Variants in ZNF680 observed in about 807,000 individuals in gnomAD.
ZNF680 encodes zinc finger protein 680, also known as hypothetical protein FLJ90430.
In ZNF680, 6 loss-of-function variants were observed where a neutral mutation model predicts 12.1. The observed-to-expected ratio is 0.49, with a 90% CI of 0.27 to 0.98. ZNF680 has a LOEUF of 0.98. ZNF680 is among the 50% of genes least tolerant of loss of function. The pLI is 0.12. For missense variants in ZNF680, 561 were observed against 616.3 expected (o/e 0.91, Z 0.95); for synonymous variants, 170 against 199.3 (o/e 0.85, Z 1.24).
At chr7:64,502,010 TTTTTTTTTTC>T in the ZNF680 span, among the ~76,000 whole-genome samples, 13 of 112,930 alleles carry the variant, frequency 1.2e-4, no homozygotes, top group Admixed American at 1.0e-3. Flanking sequence ...TTTTTTTTTT[TTTTTTTTTTC>T]CTGAGATGGA....
chr7:64,556,148 T>C (rs952563766), intron 1 of ZNF680, among the ~76,000 whole-genome samples: 1 of 151,964 alleles, frequency 6.6e-6, no homozygotes, highest in African/African-American at 2.4e-5. Flanking sequence ...GCAGCCATTT[T>C]ATGCTCATGG....
At chr7:64,509,687 T>C in the ZNF680 span, among the ~76,000 whole-genome samples, 11 of 152,024 alleles carry the variant, frequency 7.2e-5, no homozygotes, top group Non-Finnish European at 1.6e-4. Context: ...GCTGAGTGGG[T>C]CTAGAAATCC....
At position 64,563,058 on chromosome 7, in the gene ZNF680, C is replaced by T; in HGVS notation, c.-104G>A. On this transcript the variant is annotated 5_prime_UTR_variant, in exon 1 of 4. Coordinates refer to ENST00000309683, the MANE Select transcript of ZNF680 (RefSeq NM_178558.5). ...GTAAAGACTAGACCTGGAGCTCCCGCAGCAGCTAGAGACAAAGGCCCCGCC... is the reference window on the plus strand; with the variant it reads ...GTAAAGACTAGACCTGGAGCTCCCGTAGCAGCTAGAGACAAAGGCCCCGCC... The T allele has an allele frequency of 2.1e-6, 3 of 1,400,772 alleles. No homozygotes were observed. The highest frequency in any genetic ancestry group is 3.0e-6 in the Non-Finnish European group (3 of 999,344). The allele number at this position is 1,400,772 out of a possible 1,614,324, so 86.8% of individuals were successfully genotyped here.
chr7:64,529,393 G>C (rs926668470), intron 3 of ZNF680, among the ~76,000 whole-genome samples: 1 of 152,156 alleles, frequency 6.6e-6, no homozygotes, highest in African/African-American at 2.4e-5. Context: ...GCGAAGCCCA[G>C]TGCAAGGAAA....
chr7:64,524,903 A>G (rs758345760), intron 3 of ZNF680: 3 of 151,996 alleles, frequency 2.0e-5, no homozygotes, highest in Non-Finnish European at 2.9e-5. Context: ...ATAGAAATTA[A>G]AACAATACAC....
chr7:64,500,792 GT>G, the ZNF680 span: 3 of 347,212 alleles, frequency 8.6e-6, no homozygotes, highest in Non-Finnish European at 1.8e-5. Context: ...CCTTCCTCCT[GT>G]TTTTGGCTTT....
At position 64,522,215 on chromosome 7, in the gene ZNF680, T is replaced by C. The variant is rs1374599015; in HGVS notation, c.539A>G (p.Lys180Arg). 6.2e-7 allele frequency: 1 copy of C among 1,612,624 alleles called. No individual in the cohort carries two copies. ...GCCACATTCTTTACATTTGAAAACC[T>C]TCTTTCCAGTATTTCTTTTCTTATG... is the stretch of plus-strand genomic sequence containing the variant. ...NSHKKRNTGK[K>R]VFKCKECGKS... is the part of the protein sequence containing the mutation. The change falls in exon 4 of 4, where the codon AAG (lysine) becomes AGG (arginine). Residue 180 changes from lysine to arginine, a missense_variant. By Grantham distance (26) the Lys-to-Arg change is conservative (BLOSUM62 2). Coordinates refer to ENST00000309683, the MANE Select transcript of ZNF680 (RefSeq NM_178558.5).
rs140855020 is a variant in ZNF680 at position 64,521,623 on chromosome 7, G to A, written c.1131C>T (p.Ser377=). 2.2e-5 allele frequency: 35 copies of A among 1,612,136 alleles called. No individual in the cohort carries two copies. The highest frequency in any genetic ancestry group is 1.6e-4 in the Middle Eastern group (1 of 6,082). Residue 377 remains serine (S), a synonymous_variant, in exon 4 of 4, where the codon TCC becomes TCT. Coordinates refer to ENST00000309683, the MANE Select transcript of ZNF680 (RefSeq NM_178558.5). ...RHKKIHTGEK[S]YKCEECGKAF... The stretch of plus-strand genomic sequence containing the variant: ...CTTTGCCGCATTCTTCACATTTGTA[G>A]GATTTCTCTCCAGTATGAATTTTCT...
chr7:64,552,575 T>G (rs1183955224), intron 1 of ZNF680, among the ~76,000 whole-genome samples: 3 of 152,198 alleles, frequency 2.0e-5, no homozygotes, highest in African/African-American at 7.2e-5. Flanking sequence ...GTAATAAGTA[T>G]GTAAGACTAG....
chr7:64,508,324 AATATTT>A, the ZNF680 span, among the ~76,000 whole-genome samples: 3 of 151,710 alleles, frequency 2.0e-5, no homozygotes, highest in Non-Finnish European at 4.4e-5. Context: ...ATGTTACCAT[AATATTT>A]ATATTTATGC....
intron 3 of ZNF680, among the ~76,000 whole-genome samples, chr7:64,537,133 C>T (rs1350957177): frequency 6.6e-6 from 1 of 152,070 alleles, no homozygotes; most frequent in Non-Finnish European, 1.5e-5. Flanking sequence ...CTGACAAAAA[C>T]TTAATAAAAC....
chr7:64,501,047 T>C, the ZNF680 span: 3 of 751,588 alleles, frequency 4.0e-6, no homozygotes, highest in South Asian at 1.5e-5. Context: ...GGCAGAATAA[T>C]TGCTGGCCAG....
Position 64,545,263 on chromosome 7 carries a change from CA to C in ZNF680, c.31-832del, listed in dbSNP as rs532422147. 9.2e-3 allele frequency among the ~76,000 whole-genome samples: 822 copies of C among 89,472 alleles called. 2 individuals are homozygous for C. Among genetic ancestry groups the C allele is most frequent in the African/African-American group, 0.023 (666 of 29,194 alleles). The allele number at this position is 89,472 out of a possible 152,430, so 58.7% of individuals were successfully genotyped here. On this transcript the variant is annotated intron_variant, in intron 1 of 3. Coordinates refer to ENST00000309683, the MANE Select transcript of ZNF680 (RefSeq NM_178558.5). The stretch of plus-strand genomic sequence containing the variant: ...TGGGCAACAGAGTGAGACTCCATCT[CA>C]AAAAAAAAAAAAAAAAAAAAAAAAA...
At chr7:64,538,580 A>G (rs1206519730) in intron 3 of ZNF680, among the ~76,000 whole-genome samples, 2 of 152,236 alleles carry the variant, frequency 1.3e-5, no homozygotes, top group African/African-American at 4.8e-5. Flanking sequence ...TACACCCATT[A>G]TAATAGCCAC....
chr7:64,526,581 G>A (rs888965367), intron 3 of ZNF680: 4 of 393,884 alleles, frequency 1.0e-5, no homozygotes, highest in Non-Finnish European at 1.8e-5. Context: ...AATGATGCTG[G>A]ACAGCATCAT....
intron 3 of ZNF680, 74 bp from the exon 4 acceptor site, chr7:64,522,574 A>T: frequency 8.9e-7 from 1 of 1,120,558 alleles, no homozygotes; most frequent in East Asian, 3.0e-5. Flanking sequence ...TCAAATTTAT[A>T]AAATTACACA....
chr7:64,544,014 G>T, intron 2 of ZNF680: 1 of 594,172 alleles, frequency 1.7e-6, no homozygotes, highest in Non-Finnish European at 2.7e-6. Flanking sequence ...AAAAATTGGT[G>T]GGGGCAATTA....
At chr7:64,557,054 T>C (rs1189914171) in intron 1 of ZNF680, among the ~76,000 whole-genome samples, 1 of 151,656 alleles carries the variant, frequency 6.6e-6, no homozygotes, top group Non-Finnish European at 1.5e-5. Flanking sequence ...ATTGAGACCA[T>C]CCTGGCAAAC....
downstream of ZNF680, among the ~76,000 whole-genome samples, chr7:64,515,420 A>G (rs73128752): frequency 0.23 from 34,272 of 151,974 alleles, 4,053 homozygotes; most frequent in South Asian, 0.28. Context: ...CCAATGCCTA[A>G]TCTCTATAAA....
Sources: gnomAD v4.1 joint callset for allele counts (sites outside exome capture counted in the v4.1 genomes callset) on GRCh38, gnomAD v4.1.1 for gene constraint, MANE v1.5 for transcripts, NCBI Gene and HGNC (gene_info 2026-07-23, HGNC 2026-07-21) for gene names.